FBXL17: variants seen among roughly 807,000 people sequenced by gnomAD.
FBXL17 encodes the protein F-box/LRR-repeat protein 17.
A neutral mutation model predicts 66.2 loss-of-function variants in FBXL17; 22 were observed. The ratio of observed to expected loss-of-function variants is 0.33; its 90% CI spans 0.24 to 0.47. The LOEUF is 0.47. Among genes scored for constraint, FBXL17 ranks in the 20% least tolerant of loss-of-function variants. The pLI is 1.00. For missense variants in FBXL17, 878 were observed against 948.2 expected, an observed-to-expected ratio of 0.93 and a Z score of 0.97; for synonymous variants, 474 against 400.5, an observed-to-expected ratio of 1.18 and a Z score of -2.19.
intron 7 of FBXL17, 130 bp downstream of exon 7, chr5:108,020,795 A>G (rs780710442): frequency 1.6e-6 from 1 of 613,748 alleles, no homozygotes; most frequent in East Asian, 2.7e-5. Flanking sequence ...ATTTTTTGGT[A>G]TGGTCACAAT....
At chr5:107,879,670 A>G (rs2112498876) in intron 8 of FBXL17, 1 of 985,462 alleles carries the variant, frequency 1.0e-6, no homozygotes, top group East Asian at 1.1e-4. Flanking sequence ...CATTTGCTAC[A>G]TTTAGAAGAT....
At chr5:108,281,482 TAAATG>T (rs1757699627) in intron 4 of FBXL17, among the ~76,000 whole-genome samples, 2 of 151,750 alleles carry the variant, frequency 1.3e-5, no homozygotes, top group African/African-American at 4.8e-5. Flanking sequence ...TTTTTTGAAA[TAAATG>T]AAAACAGAAA....
At position 108,083,755 on chromosome 5, in the gene FBXL17, C is replaced by A. The variant is rs115213848; in HGVS notation, c.1746-62754G>T. On this transcript the variant is annotated intron_variant, in intron 6 of 8. Transcript: ENST00000542267. ...TAAACTATAGATGGCTTAAAGCATA[C>A]TGGAAATGTAAATGTTCTCATAAAG... is the stretch of plus-strand genomic sequence containing the variant. Among the ~76,000 whole-genome samples, 52 of 152,082 alleles carry A rather than the reference C, an allele frequency of 3.4e-4. No individual in the cohort carries two copies. The South Asian group carries it at 7.1e-3, about 21-fold the overall frequency.
intron 6 of FBXL17, among the ~76,000 whole-genome samples, chr5:108,061,269 A>G (rs892081202): frequency 6.6e-6 from 1 of 151,972 alleles, no homozygotes; most frequent in African/African-American, 2.4e-5. Context: ...CCTGGGTAAC[A>G]AGAGCCAAAC....
intron 4 of FBXL17, among the ~76,000 whole-genome samples, chr5:108,304,971 A>G (rs1758769727): frequency 6.6e-6 from 1 of 152,026 alleles, no homozygotes; most frequent in South Asian, 2.1e-4. Flanking sequence ...CCATTTCTCA[A>G]TTTCTAATTC....
At chr5:108,229,687 C>T (rs1215749432) in intron 4 of FBXL17, among the ~76,000 whole-genome samples, 1 of 152,064 alleles carries the variant, frequency 6.6e-6, no homozygotes, top group Non-Finnish European at 1.5e-5. Context: ...AACCCAAAAG[C>T]AAATGCAACA....
At chr5:108,067,095 C>A (rs1748142909) in intron 6 of FBXL17, among the ~76,000 whole-genome samples, 1 of 152,026 alleles carries the variant, frequency 6.6e-6, no homozygotes, top group South Asian at 2.1e-4. Context: ...GAAAGACATA[C>A]TCTAGAATGT....
At chr5:108,277,471 T>G (rs977631681) in intron 4 of FBXL17, among the ~76,000 whole-genome samples, 1 of 151,998 alleles carries the variant, frequency 6.6e-6, no homozygotes, top group African/African-American at 2.4e-5. Context: ...AAGGAAAATA[T>G]AGAACCAAGA....
At chr5:108,005,339 C>G (rs905261217) in intron 7 of FBXL17, among the ~76,000 whole-genome samples, 10 of 152,138 alleles carry the variant, frequency 6.6e-5, no homozygotes, top group Non-Finnish European at 1.3e-4. Context: ...AGAAACAGCA[C>G]TGTCATCCTT....
At chr5:108,199,393 T>C (rs191172462) in intron 5 of FBXL17, among the ~76,000 whole-genome samples, 2 of 152,310 alleles carry the variant, frequency 1.3e-5, no homozygotes, top group Admixed American at 1.3e-4. Context: ...CTTCTATAGA[T>C]TGACATTATA....
intron 7 of FBXL17, among the ~76,000 whole-genome samples, chr5:107,893,738 T>C (rs1749280586): frequency 6.6e-6 from 1 of 152,218 alleles, no homozygotes; most frequent in Admixed American, 6.6e-5. Flanking sequence ...CTGATCACTT[T>C]AATGAGTCTC....
intron 7 of FBXL17, among the ~76,000 whole-genome samples, chr5:108,000,074 C>G (rs532529242): frequency 1.3e-5 from 2 of 152,234 alleles, no homozygotes. Flanking sequence ...ATTTGCTTAA[C>G]TTCCCTGGAT....
chr5:108,248,302 T>C (rs1561487053), intron 4 of FBXL17, among the ~76,000 whole-genome samples: 1 of 152,070 alleles, frequency 6.6e-6, no homozygotes, highest in Non-Finnish European at 1.5e-5. Context: ...AAAAATACAA[T>C]ACATAACCAA....
chr5:107,985,898 G>C (rs961159688), intron 7 of FBXL17, among the ~76,000 whole-genome samples: 13 of 152,146 alleles, frequency 8.5e-5, no homozygotes, highest in Non-Finnish European at 1.5e-4. Flanking sequence ...AACAAGTTTA[G>C]CTGTCTATTG....
intron 4 of FBXL17, among the ~76,000 whole-genome samples, chr5:108,271,441 C>T (rs1489412463): frequency 2.6e-5 from 4 of 152,108 alleles, no homozygotes; most frequent in African/African-American, 9.7e-5. Context: ...TCCTGACACC[C>T]GGCAAAACCA....
intron 4 of FBXL17, among the ~76,000 whole-genome samples, chr5:108,275,395 T>C (rs755399804): frequency 1.6e-4 from 25 of 152,188 alleles, no homozygotes; most frequent in South Asian, 2.1e-4. Context: ...AATGCCACAA[T>C]TGTCACCTTC....
rs1749878798 is a variant in FBXL17, at chr5:108,381,181, C to G, written c.511G>C (p.Gly171Arg). The change falls in exon 1 of 9, where the codon GGG becomes CGG. Residue 171 changes from glycine to arginine, a missense_variant. Around this residue, in one of 4 missense-constraint regions of FBXL17, gnomAD observed 605 missense variants for 509.5 expected, o/e 1.19. Coordinates refer to ENST00000542267, the MANE Select transcript of FBXL17 (RefSeq NM_001163315.3). ...AAGAGCTGCACGGCGGCGGGCGGCC[C>G]CAGGAAGCGCACCGGCCCCAAGCTG... The part of the protein sequence containing the change: ...LASLGPVRFL[G>R]PPAAVQLFRG... 4 of 1,433,736 alleles carry G rather than the reference C, an allele frequency of 2.8e-6. No homozygotes were observed. The Admixed American group carries it at 8.0e-5, about 29-fold the overall frequency. 88.8% of individuals were successfully genotyped at this position (1,433,736 alleles called of 1,614,324 possible).
intron 4 of FBXL17, among the ~76,000 whole-genome samples, chr5:108,233,579 A>C (rs1231969800): frequency 1.3e-5 from 2 of 152,206 alleles, no homozygotes; most frequent in Non-Finnish European, 2.9e-5. Context: ...ACAAAGAGAA[A>C]GATAACCCTC....
intron 8 of FBXL17, among the ~76,000 whole-genome samples, chr5:107,869,635 T>A (rs1325469224): frequency 6.6e-6 from 1 of 151,670 alleles, no homozygotes; most frequent in Non-Finnish European, 1.5e-5. Context: ...ATTCTATCTC[T>A]CTCCCTTTGC....
Sources: gnomAD v4.1 joint callset for allele counts (sites outside exome capture counted in the v4.1 genomes callset) on GRCh38, gnomAD v4.1.1 for gene constraint, gnomAD v4.1.1 regional missense constraint, MANE v1.5 for transcripts, NCBI Gene and HGNC (gene_info 2026-07-23, HGNC 2026-07-21) for gene names.